The following CACNA2D3 variants were observed in gnomAD, a reference collection of about 807,000 sequenced individuals.
CACNA2D3 encodes voltage-dependent calcium channel subunit alpha-2/delta-3.
CACNA2D3 carries 60 observed loss-of-function variants against 160.6 expected under a neutral mutation model. The observed-to-expected ratio is 0.37, with a 90% confidence interval of 0.30 to 0.46. The LOEUF is 0.46. CACNA2D3 is among the 20% of genes least tolerant of loss of function. CACNA2D3 has a pLI of 1.00. For missense variants in CACNA2D3, 1,205 were observed against 1,365.0 expected (o/e 0.88, Z 1.85); for synonymous variants, 558 against 492.9 (o/e 1.13, Z -1.75).
At chr3:55,004,967 C>T (rs1410988656) in intron 32 of CACNA2D3, 129 bp downstream of exon 32, 9 of 579,074 alleles carry the variant, frequency 1.6e-5, no homozygotes, top group Non-Finnish European at 2.6e-5. Flanking sequence ...TGACTTTACT[C>T]ACTTAAAAAA....
chr3:54,618,375 G>GGA (rs1698906241), intron 9 of CACNA2D3, among the ~76,000 whole-genome samples: 1 of 115,514 alleles, frequency 8.7e-6, no homozygotes, highest in Non-Finnish European at 1.7e-5. Context: ...ATATATATAT[G>GGA]CACACACACA....
chr3:54,900,641 A>T (rs1323185352), intron 27 of CACNA2D3, among the ~76,000 whole-genome samples: 2 of 152,166 alleles, frequency 1.3e-5, no homozygotes, highest in Non-Finnish European at 2.9e-5. Context: ...TGCTCCAAGC[A>T]CCATCCTGGT....
chr3:54,805,228 A>C (rs1195069264), intron 13 of CACNA2D3, among the ~76,000 whole-genome samples: 18 of 152,356 alleles, frequency 1.2e-4, no homozygotes, highest in Non-Finnish European at 2.4e-4. Context: ...AAATAGAGAC[A>C]CAAAAAACCC....
At chr3:54,937,343 AC>A (rs1373571230) in intron 27 of CACNA2D3, among the ~76,000 whole-genome samples, 3 of 152,292 alleles carry the variant, frequency 2.0e-5, no homozygotes, top group African/African-American at 7.2e-5. Flanking sequence ...AATTCATTAT[AC>A]CACTATGCAA....
intron 3 of CACNA2D3, among the ~76,000 whole-genome samples, chr3:54,328,672 C>T (rs753240811): frequency 3.3e-5 from 5 of 152,202 alleles, no homozygotes; most frequent in Non-Finnish European, 5.9e-5. Flanking sequence ...GGAAATTACA[C>T]CATGTCACAC....
intron 9 of CACNA2D3, among the ~76,000 whole-genome samples, chr3:54,624,991 G>T (rs1244041593): frequency 1.3e-5 from 2 of 152,232 alleles, no homozygotes; most frequent in African/African-American, 4.8e-5. Flanking sequence ...TCGGTTAATT[G>T]CCTGGATTTG....
At chr3:54,466,901 A>G (rs1366355367) in intron 4 of CACNA2D3, among the ~76,000 whole-genome samples, 1 of 152,200 alleles carries the variant, frequency 6.6e-6, no homozygotes, top group Non-Finnish European at 1.5e-5. Context: ...GGGTTGAGAA[A>G]CAAAGATCAT....
At chr3:54,466,930 A>G (rs1277282957) in intron 4 of CACNA2D3, among the ~76,000 whole-genome samples, 1 of 152,216 alleles carries the variant, frequency 6.6e-6, no homozygotes, top group Admixed American at 6.5e-5. Flanking sequence ...AAAAGTTCAG[A>G]TGGTCCTGCT....
chr3:54,336,780 C>G (rs1236844942), intron 3 of CACNA2D3, among the ~76,000 whole-genome samples: 1 of 152,068 alleles, frequency 6.6e-6, no homozygotes, highest in Non-Finnish European at 1.5e-5. Context: ...CATAGCAACC[C>G]ACACTGATCT....
At chr3:54,201,732 T>C (rs547366823) in intron 2 of CACNA2D3, among the ~76,000 whole-genome samples, 121 of 152,284 alleles carry the variant, frequency 7.9e-4, no homozygotes, top group African/African-American at 2.8e-3. Context: ...TTAAAAGCAA[T>C]AGAAGAAACT....
intron 5 of CACNA2D3, among the ~76,000 whole-genome samples, chr3:54,537,579 G>C (rs550472146): frequency 6.6e-6 from 1 of 152,084 alleles, no homozygotes; most frequent in Non-Finnish European, 1.5e-5. Context: ...GAGGCCCTAC[G>C]CTGAGCACCA....
chr3:54,243,666 C>G (rs1327024223), intron 2 of CACNA2D3, among the ~76,000 whole-genome samples: 3 of 152,128 alleles, frequency 2.0e-5, no homozygotes, highest in African/African-American at 7.2e-5. Flanking sequence ...CAAAATGTCC[C>G]CTCCCTGCTA....
intron 4 of CACNA2D3, among the ~76,000 whole-genome samples, chr3:54,440,784 G>C (rs960179789): frequency 1.3e-4 from 20 of 152,014 alleles, no homozygotes; most frequent in African/African-American, 4.6e-4. Flanking sequence ...ATGGTTTCCA[G>C]CTTCATCCAT....
At chr3:54,594,529 T>G (rs943618571) in intron 9 of CACNA2D3, among the ~76,000 whole-genome samples, 1 of 152,226 alleles carries the variant, frequency 6.6e-6, no homozygotes, top group African/African-American at 2.4e-5. Flanking sequence ...AATATTCCTT[T>G]ACTCTTCTCA....
chr3:54,429,820 A>G (rs1247788916), intron 4 of CACNA2D3, among the ~76,000 whole-genome samples: 1 of 152,096 alleles, frequency 6.6e-6, no homozygotes, highest in Non-Finnish European at 1.5e-5. Context: ...TTTATTTTTG[A>G]GGTAATTTTT....
At chr3:54,644,163 A>T (rs1343288414) in intron 11 of CACNA2D3, among the ~76,000 whole-genome samples, 2 of 152,140 alleles carry the variant, frequency 1.3e-5, no homozygotes, top group African/African-American at 4.8e-5. Context: ...TTCTCCAGAC[A>T]AAACACAAAT....
At chr3:54,603,029 T>C (rs1249816053) in intron 9 of CACNA2D3, among the ~76,000 whole-genome samples, 1 of 152,200 alleles carries the variant, frequency 6.6e-6, no homozygotes, top group Non-Finnish European at 1.5e-5. Context: ...GAGGGTTTTG[T>C]GGGTGGTCCC....
At chr3:54,784,642 A>C (rs186683187) in intron 13 of CACNA2D3, among the ~76,000 whole-genome samples, 1 of 152,180 alleles carries the variant, frequency 6.6e-6, no homozygotes, top group African/African-American at 2.4e-5. Context: ...TGAAAGGTGT[A>C]GGGAGTCCAG....
At chr3:54,354,324 G>A (rs942722540) in intron 3 of CACNA2D3, among the ~76,000 whole-genome samples, 1 of 152,180 alleles carries the variant, frequency 6.6e-6, no homozygotes, top group Non-Finnish European at 1.5e-5. Context: ...TTGCCCTTCT[G>A]ATGATATCTC....
Sources: gnomAD v4.1 joint callset for allele counts (sites outside exome capture counted in the v4.1 genomes callset) on GRCh38, gnomAD v4.1.1 for gene constraint, MANE v1.5 for transcripts, NCBI Gene and HGNC (gene_info 2026-07-23, HGNC 2026-07-21) for gene names.